GRIN3A: variants seen among roughly 807,000 people sequenced by gnomAD.
The protein encoded by GRIN3A is glutamate receptor ionotropic, NMDA 3A.
A neutral mutation model predicts 92.4 loss-of-function variants in GRIN3A; 47 were observed. That is an observed-to-expected ratio of 0.51 (90% CI 0.40 to 0.65). The LOEUF (loss-of-function observed/expected upper bound fraction) is 0.65, where lower values mean the gene tolerates loss of function less well. Among genes scored for constraint, GRIN3A ranks in the 30% least tolerant of loss-of-function variants. The pLI is 0.00. For synonymous variants in GRIN3A, 527 were observed against 540.6 expected (o/e 0.97, Z 0.35); for missense variants, 1,324 against 1,393.1 (o/e 0.95, Z 0.79).
chr9:101,677,953 T>C (rs1458656839), intron 2 of GRIN3A, among the ~76,000 whole-genome samples: 2 of 152,162 alleles, frequency 1.3e-5, no homozygotes, highest in Admixed American at 6.5e-5. Context: ...CTCAAAGGCA[T>C]GGGTTTGGAC....
chr9:101,678,350 A>C (rs949954592), intron 2 of GRIN3A, among the ~76,000 whole-genome samples: 2 of 152,142 alleles, frequency 1.3e-5, no homozygotes, highest in Admixed American at 6.5e-5. Flanking sequence ...TAAAAAATTG[A>C]AGTTAGTTCA....
At chr9:101,689,146 C>A (rs1369068418) in intron 1 of GRIN3A, among the ~76,000 whole-genome samples, 3 of 152,136 alleles carry the variant, frequency 2.0e-5, no homozygotes, top group African/African-American at 7.2e-5. Context: ...CTGTCTTAAT[C>A]CTCTTTTAGA....
intron 1 of GRIN3A, among the ~76,000 whole-genome samples, chr9:101,692,898 G>T (rs1338465490): frequency 6.6e-6 from 1 of 152,074 alleles, no homozygotes; most frequent in Non-Finnish European, 1.5e-5. Flanking sequence ...CAAGCATAAG[G>T]TGTAGTCCCT....
intron 1 of GRIN3A, among the ~76,000 whole-genome samples, chr9:101,722,301 A>G (rs1272083432): frequency 6.6e-6 from 1 of 152,248 alleles, no homozygotes; most frequent in Non-Finnish European, 1.5e-5. Flanking sequence ...GAAGATGTAT[A>G]GTAATGCCTG....
Position 101,737,446 on chromosome 9 carries a change from G to A in GRIN3A, c.534C>T (p.Phe178=), listed in dbSNP as rs372598779. 35 of 1,614,278 alleles carry A rather than the reference G, an allele frequency of 2.2e-5. 1 individual carries two copies. The African/African-American group carries it at 3.1e-4, about 14-fold the overall frequency. ...TATGGCACACACTTTGCAGGAAGGA[G>A]AAAGGGTCACTGCTCCATGGCGAAC... ...SPSSPWSSDP[F]SFLQSVCHTV... The change falls in exon 1 of 9, where the codon TTC becomes TTT. Residue 178 remains phenylalanine (F), a synonymous_variant. Transcript: ENST00000361820.
At chr9:101,699,714 T>C (rs1039187299) in intron 1 of GRIN3A, among the ~76,000 whole-genome samples, 2 of 152,170 alleles carry the variant, frequency 1.3e-5, no homozygotes, top group African/African-American at 2.4e-5. Flanking sequence ...CTGTTATATA[T>C]CCCCATGTAT....
chr9:101,625,693 ATGTGGAT>A (rs1439060128), intron 4 of GRIN3A, among the ~76,000 whole-genome samples: 1 of 152,172 alleles, frequency 6.6e-6, no homozygotes, highest in Non-Finnish European at 1.5e-5. Flanking sequence ...AGTGTTGGGG[ATGTGGAT>A]TGTCTCCTAG....
intron 3 of GRIN3A, among the ~76,000 whole-genome samples, chr9:101,630,653 A>G (rs951985601): frequency 3.9e-5 from 6 of 152,182 alleles, no homozygotes; most frequent in African/African-American, 1.4e-4. Context: ...TGGATTTGCT[A>G]CTTGTATGCC....
chr9:101,735,866 A>G (rs181312288), intron 1 of GRIN3A, among the ~76,000 whole-genome samples: 1 of 152,170 alleles, frequency 6.6e-6, no homozygotes, highest in Non-Finnish European at 1.5e-5. Flanking sequence ...ATAAAAGTTA[A>G]TTAGCCTGCA....
chr9:101,587,602 A>C (rs1827966096), intron 6 of GRIN3A, among the ~76,000 whole-genome samples: 2 of 152,194 alleles, frequency 1.3e-5, no homozygotes, highest in South Asian at 4.1e-4. Flanking sequence ...ATTTACTCTG[A>C]CATTCCCTAT....
At chr9:101,729,776 CTT>C (rs1256022563) in intron 1 of GRIN3A, among the ~76,000 whole-genome samples, 1 of 152,168 alleles carries the variant, frequency 6.6e-6, no homozygotes, top group Non-Finnish European at 1.5e-5. Context: ...TCCTCCATCT[CTT>C]CTGCCACTTC....
At position 101,573,222 on chromosome 9, in the gene GRIN3A, T is replaced by G. The variant is rs201133370; in HGVS notation, c.3300A>C (p.Lys1100Asn). 6.2e-7 allele frequency: 1 copy of G among 1,614,076 alleles called. No homozygotes were observed. The change falls in exon 9 of 9, where the codon AAA becomes AAC. Residue 1100 changes from lysine (K) to asparagine (N), a missense_variant. By Grantham distance (94) the Lys-to-Asn change is moderately conservative (BLOSUM62 0). Transcript: ENST00000361820. The stretch of plus-strand genomic sequence containing the variant: ...TCCTTTGATACTCCTCCAGCTCCGT[T>G]TTCCTGCTCACAGCCAGCTGCAGCT... ...RQELQLAVSR[K>N]TELEEYQRTS...
chr9:101,631,592 G>C (rs985606826), intron 3 of GRIN3A, among the ~76,000 whole-genome samples: 1 of 152,150 alleles, frequency 6.6e-6, no homozygotes, highest in Non-Finnish European at 1.5e-5. Context: ...GGAACCAGCA[G>C]ACCCAGGCTC....
intron 3 of GRIN3A, among the ~76,000 whole-genome samples, chr9:101,668,383 A>T (rs934376681): frequency 5.3e-5 from 8 of 151,854 alleles, no homozygotes; most frequent in African/African-American, 1.7e-4. Context: ...TTTTTACTAG[A>T]TCAGACTAAA....
In GRIN3A at chr9:101,624,221, TTTTTA is replaced by T. The variant is rs369053117; in HGVS notation, c.2499-793_2499-789del. 7.3e-3 allele frequency among the ~76,000 whole-genome samples: 1,107 copies of T among 152,116 alleles called. 12 individuals are homozygous for T. The highest frequency in any genetic ancestry group is 0.026 in the African/African-American group (1,067 of 41,524). ...TCCTTTTTTAAAAATTTTTTTTATT[TTTTTA>T]TTTTATTATTATTATACTTTAAGTT... is the stretch of plus-strand genomic sequence containing the variant. On this transcript the variant is annotated intron_variant, in intron 4 of 8. Coordinates refer to ENST00000361820, the MANE Select transcript of GRIN3A (RefSeq NM_133445.3).
At chr9:101,589,619 C>A (rs1226155013) in intron 6 of GRIN3A, among the ~76,000 whole-genome samples, 1 of 151,748 alleles carries the variant, frequency 6.6e-6, no homozygotes, top group African/African-American at 2.4e-5. Flanking sequence ...CACAATGAAG[C>A]TTTTTTTTGA....
chr9:101,628,223 A>T, intron 4 of GRIN3A, 33 bp downstream of exon 4: 1 of 1,612,354 alleles, frequency 6.2e-7, no homozygotes, highest in Non-Finnish European at 8.5e-7. Flanking sequence ...TTCAGTGAGA[A>T]TTTTTCTTTG....
chr9:101,605,926 C>A (rs1171518033), intron 6 of GRIN3A, among the ~76,000 whole-genome samples: 1 of 152,158 alleles, frequency 6.6e-6, no homozygotes, highest in African/African-American at 2.4e-5. Flanking sequence ...AATCTTGTAA[C>A]AATCAAGTAA....
chr9:101,585,524 C>A (rs1405014112), intron 6 of GRIN3A, among the ~76,000 whole-genome samples: 1 of 152,176 alleles, frequency 6.6e-6, no homozygotes, highest in African/African-American at 2.4e-5. Flanking sequence ...CTGAAACCTG[C>A]TGCTTACACA....
Sources: gnomAD v4.1 joint callset for allele counts (sites outside exome capture counted in the v4.1 genomes callset) on GRCh38, gnomAD v4.1.1 for gene constraint, MANE v1.5 for transcripts, NCBI Gene and HGNC (gene_info 2026-07-23, HGNC 2026-07-21) for gene names.